Variants in NXPH1 observed in about 807,000 individuals in gnomAD.
The protein encoded by NXPH1 is neurexophilin 1, also known as neurexophilin-1.
Under a neutral mutation model 23.7 loss-of-function variants are expected in NXPH1, and 5 were observed. The ratio of observed to expected loss-of-function variants is 0.21; its 90% confidence interval spans 0.11 to 0.44. The LOEUF (loss-of-function observed/expected upper bound fraction) is 0.44, where lower values mean the gene tolerates loss of function less well. NXPH1 is among the 20% of genes least tolerant of loss of function. NXPH1 has a pLI of 0.99. For synonymous variants in NXPH1, 144 were observed against 122.2 expected (o/e 1.18, Z -1.18); for missense variants, 324 against 321.6 (o/e 1.01, Z -0.06).
intron 2 of NXPH1, among the ~76,000 whole-genome samples, chr7:8,440,421 C>T (rs1816278159): frequency 6.6e-6 from 1 of 152,136 alleles, no homozygotes. Context: ...GGTATTTTTT[C>T]GGAAAGCCAT....
intron 2 of NXPH1, among the ~76,000 whole-genome samples, chr7:8,554,805 G>A (rs1818331098): frequency 6.6e-6 from 1 of 151,682 alleles, no homozygotes; most frequent in African/African-American, 2.4e-5. Context: ...GTAACAGTAT[G>A]TGAAACAAGA....
intron 2 of NXPH1, among the ~76,000 whole-genome samples, chr7:8,674,674 ATG>A (rs1317207718): frequency 6.6e-6 from 1 of 152,270 alleles, no homozygotes; most frequent in Non-Finnish European, 1.5e-5. Context: ...GACTGGAAAA[ATG>A]TGACCATAGT....
At chr7:8,681,451 AATAT>A (rs1461303977) in intron 2 of NXPH1, among the ~76,000 whole-genome samples, 1 of 152,174 alleles carries the variant, frequency 6.6e-6, no homozygotes, top group African/African-American at 2.4e-5. Flanking sequence ...CATAAATTGT[AATAT>A]ATAGTTCAAT....
intron 2 of NXPH1, among the ~76,000 whole-genome samples, chr7:8,622,907 A>G (rs933262402): frequency 6.6e-6 from 1 of 152,156 alleles, no homozygotes; most frequent in East Asian, 1.9e-4. Flanking sequence ...GAGGAAGAAA[A>G]TATTTGTAGC....
At chr7:8,718,476 T>G (rs1779913376) in intron 2 of NXPH1, among the ~76,000 whole-genome samples, 1 of 152,206 alleles carries the variant, frequency 6.6e-6, no homozygotes, top group African/African-American at 2.4e-5. Flanking sequence ...CCAATTTAAT[T>G]TATTCCCTGA....
intron 2 of NXPH1, among the ~76,000 whole-genome samples, chr7:8,707,600 A>G (rs1014619149): frequency 1.1e-4 from 17 of 152,218 alleles, no homozygotes; most frequent in African/African-American, 4.1e-4. Flanking sequence ...ATATATATAT[A>G]TACTCATCAT....
At chr7:8,586,353 T>C (rs1415801545) in intron 2 of NXPH1, among the ~76,000 whole-genome samples, 2 of 152,228 alleles carry the variant, frequency 1.3e-5, no homozygotes, top group South Asian at 2.1e-4. Context: ...GAGTTTAGTA[T>C]GGAATTCGAT....
intron 2 of NXPH1, among the ~76,000 whole-genome samples, chr7:8,539,461 C>G (rs1245698128): frequency 6.6e-6 from 1 of 151,748 alleles, no homozygotes; most frequent in African/African-American, 2.4e-5. Context: ...AGTGATAATA[C>G]ATACTATCTT....
At chr7:8,666,530 G>C (rs7457150) in intron 2 of NXPH1, among the ~76,000 whole-genome samples, 1 of 152,020 alleles carries the variant, frequency 6.6e-6, no homozygotes, top group African/African-American at 2.4e-5. Flanking sequence ...GTTGGTATCA[G>C]GGTAATGCTG....
intron 2 of NXPH1, among the ~76,000 whole-genome samples, chr7:8,628,372 T>TTTTTTTTG (rs200782609): frequency 0.02 from 1,173 of 58,846 alleles, 13 homozygotes; most frequent in Middle Eastern, 0.08. Context: ...GCATAGGTGT[T>TTTTTTTTG]TTTTTTTTTT....
intron 2 of NXPH1, among the ~76,000 whole-genome samples, chr7:8,678,258 G>A (rs1485327408): frequency 2.6e-5 from 4 of 152,264 alleles, no homozygotes; most frequent in African/African-American, 7.2e-5. Flanking sequence ...TATGCCAGCC[G>A]TTAGTCCAGA....
intron 2 of NXPH1, among the ~76,000 whole-genome samples, chr7:8,456,674 G>C (rs1816601087): frequency 6.6e-6 from 1 of 152,126 alleles, no homozygotes; most frequent in Non-Finnish European, 1.5e-5. Context: ...CAAAACAAAA[G>C]TAGTTGAATT....
At chr7:8,570,885 G>A (rs10247288) in intron 2 of NXPH1, among the ~76,000 whole-genome samples, 59,519 of 151,596 alleles carry the variant, frequency 0.39, 14,318 homozygotes, top group African/African-American at 0.69. Flanking sequence ...TCTTAACCAA[G>A]AGAACAATAG....
At chr7:8,577,097 G>A (rs934708031) in intron 2 of NXPH1, among the ~76,000 whole-genome samples, 5 of 152,014 alleles carry the variant, frequency 3.3e-5, no homozygotes, top group African/African-American at 1.2e-4. Context: ...GTATTAGTCA[G>A]GAATTCTAAA....
At chr7:8,609,909 T>C (rs1819579411) in intron 2 of NXPH1, among the ~76,000 whole-genome samples, 1 of 152,138 alleles carries the variant, frequency 6.6e-6, no homozygotes, top group Non-Finnish European at 1.5e-5. Flanking sequence ...TGATTATTTT[T>C]CCCATTCAGA....
intron 2 of NXPH1, among the ~76,000 whole-genome samples, chr7:8,720,147 G>GT (rs1165958318): frequency 1.6e-5 from 1 of 62,930 alleles, no homozygotes; most frequent in Non-Finnish European, 2.8e-5. Flanking sequence ...CCTCTACTTG[G>GT]TTAAGTGTCC....
At chr7:8,489,919 T>G (rs925107458) in intron 2 of NXPH1, among the ~76,000 whole-genome samples, 1 of 152,054 alleles carries the variant, frequency 6.6e-6, no homozygotes, top group South Asian at 2.1e-4. Context: ...TCAAGGTAAA[T>G]TGGTTCTTGA....
At chr7:8,524,241 CAAAAAAAAAAAAAA>C (rs34744233) in intron 2 of NXPH1, among the ~76,000 whole-genome samples, 2 of 73,718 alleles carry the variant, frequency 2.7e-5, no homozygotes, top group South Asian at 5.5e-4. Flanking sequence ...GACTCTGTCT[CAAAAAAAAAAAAAA>C]AAAAAAAAAG....
intron 2 of NXPH1, among the ~76,000 whole-genome samples, chr7:8,454,249 G>A (rs1816553265): frequency 6.6e-6 from 1 of 152,068 alleles, no homozygotes; most frequent in South Asian, 2.1e-4. Context: ...TTTAAAAAAG[G>A]AATTTGTCGA....
Sources: allele counts gnomAD v4.1 joint callset (sites outside exome capture counted in the v4.1 genomes callset), GRCh38; gene constraint gnomAD v4.1.1; transcripts MANE v1.5; gene names NCBI Gene and HGNC (gene_info 2026-07-23, HGNC 2026-07-21).